Variants in RGSL1 observed in about 807,000 individuals in gnomAD.
The protein encoded by RGSL1 is regulator of G protein signaling like 1.
In RGSL1, 97 loss-of-function variants were observed where a neutral mutation model predicts 124.7. The observed-to-expected ratio is 0.78, with a 90% CI of 0.66 to 0.92. RGSL1 has a LOEUF of 0.92. Ranked by LOEUF, RGSL1 falls within the 40% of genes least tolerant of loss-of-function variation. The probability of loss-of-function intolerance (pLI) is 0.00; values close to 1 mark genes in which losing one functional copy is unlikely to be tolerated. For missense variants in RGSL1, 1,233 were observed against 1,288.4 expected, an observed-to-expected ratio of 0.96 and a Z score of 0.66; for synonymous variants, 424 against 438.1, an observed-to-expected ratio of 0.97 and a Z score of 0.40.
chr1:182,480,889 G>T (rs1019180847), intron 6 of RGSL1, among the ~76,000 whole-genome samples: 1 of 151,980 alleles, frequency 6.6e-6, no homozygotes, highest in African/African-American at 2.4e-5. Context: ...ATCAAAAAGG[G>T]CATTTGAAAA....
intron 4 of RGSL1, among the ~76,000 whole-genome samples, chr1:182,468,767 A>G (rs1653565825): frequency 2.0e-5 from 3 of 152,072 alleles, no homozygotes; most frequent in Non-Finnish European, 4.4e-5. Flanking sequence ...TATAATAAAA[A>G]TAAAATAAAA....
intron 6 of RGSL1, among the ~76,000 whole-genome samples, chr1:182,483,222 TGA>T (rs1654841725): frequency 6.6e-6 from 1 of 151,846 alleles, no homozygotes; most frequent in Non-Finnish European, 1.5e-5. Context: ...TAAAATTCAC[TGA>T]GAGAATAGGT....
chr1:182,553,077 T>C (rs1261777333), intron 18 of RGSL1, among the ~76,000 whole-genome samples: 1 of 150,812 alleles, frequency 6.6e-6, no homozygotes. Flanking sequence ...GCTAATTTTA[T>C]ATTTTTAATA....
chr1:182,522,153 C>T (rs558950908), intron 10 of RGSL1, 44 bp downstream of exon 10: 2 of 1,382,662 alleles, frequency 1.4e-6, no homozygotes, highest in Non-Finnish European at 2.0e-6. Context: ...CAGGTACATG[C>T]TTTTGAAAAA....
At chr1:182,558,937 C>T (rs1257879617) in intron 21 of RGSL1, among the ~76,000 whole-genome samples, 1 of 152,156 alleles carries the variant, frequency 6.6e-6, no homozygotes, top group Non-Finnish European at 1.5e-5. Flanking sequence ...AGGGTGGTCA[C>T]CAGAAATTCT....
chr1:182,498,468 T>C (rs187325070), intron 9 of RGSL1, among the ~76,000 whole-genome samples: 3 of 152,310 alleles, frequency 2.0e-5, no homozygotes, highest in African/African-American at 7.2e-5. Flanking sequence ...TGCAATCAGA[T>C]CTTATTAGTG....
At chr1:182,527,439 A>T in intron 10 of RGSL1, 140 bp from the exon 11 acceptor site, 1 of 652,406 alleles carries the variant, frequency 1.5e-6, no homozygotes, top group Non-Finnish European at 2.6e-6. Flanking sequence ...AGACAGATTT[A>T]GCCAATCCAT....
At chr1:182,474,906 G>A (rs1432936147) in intron 6 of RGSL1, among the ~76,000 whole-genome samples, 3 of 152,190 alleles carry the variant, frequency 2.0e-5, no homozygotes, top group Non-Finnish European at 4.4e-5. Flanking sequence ...TCGAATGCCT[G>A]ATTATCTGAG....
chr1:182,527,212 T>G (rs1658810481), intron 10 of RGSL1, among the ~76,000 whole-genome samples: 1 of 152,028 alleles, frequency 6.6e-6, no homozygotes, highest in Non-Finnish European at 1.5e-5. Flanking sequence ...GCAAAGGAAA[T>G]TTAGAAACAT....
intron 4 of RGSL1, among the ~76,000 whole-genome samples, chr1:182,462,158 A>G (rs538972575): frequency 2.6e-5 from 4 of 152,334 alleles, no homozygotes; most frequent in Non-Finnish European, 5.9e-5. Flanking sequence ...TCATAAGATT[A>G]TAAGCAGATT....
At chr1:182,548,253 G>A (rs1448960982) in intron 15 of RGSL1, 64 bp from the exon 16 acceptor site, 5 of 1,528,684 alleles carry the variant, frequency 3.3e-6, no homozygotes, top group Admixed American at 2.0e-5. Flanking sequence ...TCTAGGCTGG[G>A]TGCCTTGTTA....
In RGSL1 at chr1:182,485,015, C is replaced by T. The variant is rs145847099; in HGVS notation, c.1432-3270C>T. 3.5e-4 allele frequency among the ~76,000 whole-genome samples: 54 copies of T among 152,236 alleles called. No individual in the cohort carries two copies. In the East Asian group the frequency reaches 6.8e-3, roughly 19 times the overall value. On this transcript the variant is annotated intron_variant, in intron 6 of 21. Coordinates refer to ENST00000294854, the MANE Select transcript of RGSL1 (RefSeq NM_001137669.2). ...CGGTAGTCTTGCAGGCCACAGGAGGCAGGGCACAGTGTCAACTCCTTCTCT... is the reference window on the plus strand; with the variant it reads ...CGGTAGTCTTGCAGGCCACAGGAGGTAGGGCACAGTGTCAACTCCTTCTCT...
Position 182,540,135 on chromosome 1 carries a change from T to G in RGSL1, c.2495-112T>G, listed in dbSNP as rs1002296175. ...CAATGGCAGTAAGTGACTATTTCAG[T>G]AGGCCAAAAGGATGGATCCACAGTC... On this transcript the variant is annotated intron_variant, in intron 14 of 21. Coordinates refer to ENST00000294854, the MANE Select transcript of RGSL1 (RefSeq NM_001137669.2). 1.5e-4 allele frequency: 168 copies of G among 1,085,518 alleles called. 1 individual carries two copies. The highest frequency in any genetic ancestry group is 1.1e-3 in the Admixed American group (32 of 29,178). 67.2% of individuals were successfully genotyped at this position (1,085,518 alleles called of 1,614,324 possible).
chr1:182,499,610 G>T (rs937440578), intron 9 of RGSL1, among the ~76,000 whole-genome samples: 1 of 152,126 alleles, frequency 6.6e-6, no homozygotes. Flanking sequence ...TAACAGTTGG[G>T]TCTTGCTTTT....
rs1558261542 is a variant in RGSL1, at chr1:182,473,851, C to G, written c.740C>G (p.Ser247Ter). Residue 247 changes from serine (S) to a stop codon, truncating the protein, a stop_gained, in exon 6 of 22, where the codon TCA becomes TGA. Coordinates refer to ENST00000294854, the MANE Select transcript of RGSL1 (RefSeq NM_001137669.2). LOFTEE classifies it high-confidence loss of function. ...KKCHHFQKRY[S>*]SRKAKRKMWQ... ...TGCCACCACTTTCAGAAACGGTACT[C>G]AAGCAGGAAAGCCAAGAGGAAGATG... is the stretch of plus-strand genomic sequence containing the variant. The G allele has an allele frequency of 3.9e-6, 6 of 1,551,784 alleles. No individual in the cohort carries two copies. The highest frequency in any genetic ancestry group is 5.2e-6 in the Non-Finnish European group (6 of 1,147,014).
intron 4 of RGSL1, among the ~76,000 whole-genome samples, chr1:182,470,025 C>G (rs1653697640): frequency 6.7e-6 from 1 of 149,624 alleles, no homozygotes. Context: ...TAGGCAGTGA[C>G]TGTTTAATGA....
intron 9 of RGSL1, among the ~76,000 whole-genome samples, chr1:182,495,648 T>C (rs1655857470): frequency 6.6e-6 from 1 of 152,220 alleles, no homozygotes; most frequent in African/African-American, 2.4e-5. Flanking sequence ...CTCCCCATCA[T>C]CTTTCAGGAT....
At chr1:182,527,798 T>TTC (rs1553270865) in intron 11 of RGSL1, 26 bp downstream of exon 11, 3 of 1,526,016 alleles carry the variant, frequency 2.0e-6, no homozygotes, top group East Asian at 2.5e-5. Flanking sequence ...TGATCCTGTT[T>TTC]TCTCTCTCTC....
intron 9 of RGSL1, among the ~76,000 whole-genome samples, chr1:182,496,986 T>C (rs1386171537): frequency 6.6e-6 from 1 of 152,176 alleles, no homozygotes; most frequent in East Asian, 1.9e-4. Context: ...GCTTAGCCTT[T>C]ATTGTTTATC....
Sources: allele counts gnomAD v4.1 joint callset (sites outside exome capture counted in the v4.1 genomes callset), GRCh38; gene constraint gnomAD v4.1.1; transcripts MANE v1.5; gene names NCBI Gene and HGNC (gene_info 2026-07-23, HGNC 2026-07-21).